ARL6IP6: variants seen among roughly 807,000 people sequenced by gnomAD.
The protein encoded by ARL6IP6 is ADP-ribosylation factor-like protein 6-interacting protein 6.
Under a neutral mutation model 21.5 loss-of-function variants are expected in ARL6IP6, and 22 were observed. That is an observed-to-expected ratio of 1.02 (90% CI 0.73 to 1.46). ARL6IP6 has a LOEUF of 1.46. ARL6IP6 is among the 40% of genes most tolerant of loss of function. ARL6IP6 has a pLI of 0.00. For synonymous variants in ARL6IP6, 164 were observed against 125.3 expected, an observed-to-expected ratio of 1.31 and a Z score of -2.06; for missense variants, 388 against 299.8, an observed-to-expected ratio of 1.29 and a Z score of -2.17.
At chr2:152,739,069 G>A (rs60453243) in intron 3 of ARL6IP6, among the ~76,000 whole-genome samples, 6,283 of 151,294 alleles carry the variant, frequency 0.042, 269 homozygotes, top group African/African-American at 0.11. Context: ...TGCAAGCTCC[G>A]CCTCCTGGGT....
At chr2:152,733,993 A>G (rs914806959) in intron 2 of ARL6IP6, among the ~76,000 whole-genome samples, 1 of 152,188 alleles carries the variant, frequency 6.6e-6, no homozygotes, top group Non-Finnish European at 1.5e-5. Flanking sequence ...CTTGACATCA[A>G]AATAAAGCTG....
intron 3 of ARL6IP6, among the ~76,000 whole-genome samples, chr2:152,750,940 A>G (rs927116659): frequency 6.6e-6 from 1 of 152,222 alleles, no homozygotes; most frequent in South Asian, 2.1e-4. Flanking sequence ...ATCTCCACAA[A>G]TAGTCATGCC....
intron 2 of ARL6IP6, among the ~76,000 whole-genome samples, chr2:152,720,831 C>G (rs891668287): frequency 6.6e-6 from 1 of 152,192 alleles, no homozygotes; most frequent in Non-Finnish European, 1.5e-5. Flanking sequence ...TGGCTCACAT[C>G]TGTAATCCCA....
chr2:152,724,070 C>T (rs1210664045), intron 2 of ARL6IP6, among the ~76,000 whole-genome samples: 2 of 139,964 alleles, frequency 1.4e-5, no homozygotes, highest in Non-Finnish European at 3.0e-5. Context: ...GTAAAATTGT[C>T]TTACCTATTT....
At chr2:152,721,386 A>T (rs1699783822) in intron 2 of ARL6IP6, among the ~76,000 whole-genome samples, 1 of 151,948 alleles carries the variant, frequency 6.6e-6, no homozygotes, top group African/African-American at 2.4e-5. Flanking sequence ...ATCCTTGCAC[A>T]GGTAAATGAC....
At chr2:152,748,507 T>C (rs972589761) in intron 3 of ARL6IP6, among the ~76,000 whole-genome samples, 1 of 152,202 alleles carries the variant, frequency 6.6e-6, no homozygotes, top group African/African-American at 2.4e-5. Flanking sequence ...TGGAGATTCC[T>C]GGGCTAGGGA....
Position 152,735,020 on chromosome 2 carries a change from C to T in ARL6IP6, c.481C>T (p.Leu161=). Residue 161 remains leucine, a synonymous_variant, in exon 3 of 4, where the codon CTA becomes TTA. Coordinates refer to ENST00000326446, the MANE Select transcript of ARL6IP6 (RefSeq NM_152522.7). ...ATTCTGGACTCTACTTATAATATCC[C>T]TAACTGCTGGATTCTCCTGTTGCAG... ...LGFWTLLIIS[L]TAGFSCCSFS... is the part of the protein sequence containing the mutation. The T allele has an allele frequency of 1.9e-6, 3 of 1,613,218 alleles. No homozygotes were observed. The highest frequency in any genetic ancestry group is 2.5e-6 in the Non-Finnish European group (3 of 1,179,234).
At chr2:152,748,473 T>C (rs563880066) in intron 3 of ARL6IP6, among the ~76,000 whole-genome samples, 1 of 152,334 alleles carries the variant, frequency 6.6e-6, no homozygotes, top group South Asian at 2.1e-4. Flanking sequence ...ACAAAGCTTA[T>C]ACAGCTTAAA....
chr2:152,759,688 G>T (rs1701741751), intron 3 of ARL6IP6, 59 bp from the exon 4 acceptor site: 2 of 1,386,504 alleles, frequency 1.4e-6, no homozygotes, highest in Non-Finnish European at 2.0e-6. Flanking sequence ...AACTTTTGGT[G>T]TCTTTGTTAT....
chr2:152,753,007 A>G (rs144650899), intron 3 of ARL6IP6, among the ~76,000 whole-genome samples: 18 of 151,954 alleles, frequency 1.2e-4, no homozygotes, highest in African/African-American at 4.1e-4. Flanking sequence ...TCCAGACCCT[A>G]TTCTCCTGCC....
chr2:152,732,081 A>G (rs1260993961), intron 2 of ARL6IP6, among the ~76,000 whole-genome samples: 1 of 152,042 alleles, frequency 6.6e-6, no homozygotes, highest in Non-Finnish European at 1.5e-5. Context: ...GTTATTATGA[A>G]CAAAGCTACA....
chr2:152,751,576 A>G (rs1054099496), intron 3 of ARL6IP6, among the ~76,000 whole-genome samples: 4 of 151,616 alleles, frequency 2.6e-5, no homozygotes, highest in Non-Finnish European at 4.4e-5. Context: ...TCTACCTTCT[A>G]CTTCTATGAG....
At chr2:152,719,478 C>G (rs1699608389) in intron 1 of ARL6IP6, among the ~76,000 whole-genome samples, 1 of 152,102 alleles carries the variant, frequency 6.6e-6, no homozygotes, top group Admixed American at 6.5e-5. Context: ...TCGCATAGTC[C>G]AAATTTCTTC....
chr2:152,748,219 A>G (rs546720491), intron 3 of ARL6IP6, among the ~76,000 whole-genome samples: 53 of 152,216 alleles, frequency 3.5e-4, no homozygotes, highest in Admixed American at 2.6e-4. Context: ...GATTTCTTAA[A>G]TAACAATGGT....
At chr2:152,753,978 G>C (rs999242905) in intron 3 of ARL6IP6, among the ~76,000 whole-genome samples, 2 of 151,314 alleles carry the variant, frequency 1.3e-5, no homozygotes, top group Admixed American at 6.6e-5. Context: ...TGGGATTACA[G>C]GCGTGAGCCA....
At chr2:152,746,954 T>C (rs540489791) in intron 3 of ARL6IP6, among the ~76,000 whole-genome samples, 1 of 146,932 alleles carries the variant, frequency 6.8e-6, no homozygotes, top group South Asian at 2.2e-4. Flanking sequence ...GCCTCCCAAA[T>C]TGCTGGGACT....
At position 152,749,789 on chromosome 2, in the gene ARL6IP6, A is replaced by AT. The variant is rs1387210531; in HGVS notation, c.588-9952dup. On this transcript the variant is annotated intron_variant, in intron 3 of 3. Coordinates refer to ENST00000326446, the MANE Select transcript of ARL6IP6 (RefSeq NM_152522.7). ...GACTACATAAGTACTTCATTGTAGA[A>AT]TTTTTTATTATTGAAAGGAATTCTC... Among the ~76,000 whole-genome samples, 10 of 152,312 alleles carry AT rather than the reference A, an allele frequency of 6.6e-5. No individual in the cohort carries two copies. The East Asian group carries it at 1.9e-3, about 29-fold the overall frequency.
intron 3 of ARL6IP6, among the ~76,000 whole-genome samples, chr2:152,738,686 A>C (rs965028222): frequency 1.3e-5 from 2 of 152,150 alleles, no homozygotes; most frequent in African/African-American, 2.4e-5. Context: ...TGCACAAAGC[A>C]GCAAGGCCCA....
chr2:152,718,397 C>G, upstream of ARL6IP6: 1 of 509,864 alleles, frequency 2.0e-6, no homozygotes, highest in Admixed American at 4.4e-5. Flanking sequence ...TTCCTGCTCC[C>G]CTTTCCGGCT....
Sources: gnomAD v4.1 joint callset for allele counts (sites outside exome capture counted in the v4.1 genomes callset) on GRCh38, gnomAD v4.1.1 for gene constraint, MANE v1.5 for transcripts, NCBI Gene and HGNC (gene_info 2026-07-23, HGNC 2026-07-21) for gene names.